The following DMXL1 variants were observed in gnomAD, a reference collection of about 807,000 sequenced individuals.
DMXL1 encodes the protein dmX-like protein 1.
Under a neutral mutation model 319.2 loss-of-function variants are expected in DMXL1, and 99 were observed. That is an observed-to-expected ratio of 0.31 (90% confidence interval 0.26 to 0.37). The LOEUF (loss-of-function observed/expected upper bound fraction) is 0.37. DMXL1 is among the 10% of genes least tolerant of loss of function. The probability of loss-of-function intolerance (pLI) is 1.00; values close to 1 mark genes in which losing one functional copy is unlikely to be tolerated. For synonymous variants in DMXL1, 1,385 were observed against 1,235.2 expected, an observed-to-expected ratio of 1.12 and a Z score of -2.54; for missense variants, 3,745 against 3,595.6, an observed-to-expected ratio of 1.04 and a Z score of -1.06.
intron 29 of DMXL1, among the ~76,000 whole-genome samples, chr5:119,192,985 C>G (rs552505131): frequency 6.6e-6 from 1 of 152,160 alleles, no homozygotes; most frequent in Non-Finnish European, 1.5e-5. Flanking sequence ...TTGGTTCTTT[C>G]TCCAAAATAT....
chr5:119,203,270 G>A (rs1190678738), intron 32 of DMXL1, 49 bp from the exon 33 acceptor site: 4 of 1,211,274 alleles, frequency 3.3e-6, no homozygotes, highest in Non-Finnish European at 4.6e-6. Flanking sequence ...TATCAAGTTA[G>A]TCAGAAATTT....
At chr5:119,118,434 T>C (rs991104110) in intron 7 of DMXL1, among the ~76,000 whole-genome samples, 1 of 152,162 alleles carries the variant, frequency 6.6e-6, no homozygotes, top group Non-Finnish European at 1.5e-5. Flanking sequence ...CAGTCTTTGT[T>C]TTTTTAGATG....
At chr5:119,235,788 G>A (rs1414004672) in intron 39 of DMXL1, among the ~76,000 whole-genome samples, 1 of 152,074 alleles carries the variant, frequency 6.6e-6, no homozygotes, top group East Asian at 1.9e-4. Context: ...ATAGATAGGA[G>A]AACAATATCC....
intron 2 of DMXL1, 111 bp from the exon 3 acceptor site, chr5:119,101,824 T>G: frequency 4.2e-6 from 3 of 715,616 alleles, no homozygotes; most frequent in Non-Finnish European, 4.7e-6. Context: ...CATCAGTGAA[T>G]GAAATTGTGT....
chr5:119,139,301 A>G (rs1466553367), intron 13 of DMXL1, among the ~76,000 whole-genome samples: 1 of 152,212 alleles, frequency 6.6e-6, no homozygotes, highest in Non-Finnish European at 1.5e-5. Flanking sequence ...GAATGTAAAC[A>G]GGCTTAATGC....
At chr5:119,120,887 A>G in intron 8 of DMXL1, 84 bp from the exon 9 acceptor site, 3 of 1,112,428 alleles carry the variant, frequency 2.7e-6, no homozygotes, top group South Asian at 4.6e-5. Context: ...GCTAGGATAT[A>G]TGTAACTTCT....
At chr5:119,111,309 A>G (rs1759540480) in intron 5 of DMXL1, among the ~76,000 whole-genome samples, 1 of 152,218 alleles carries the variant, frequency 6.6e-6, no homozygotes, top group Admixed American at 6.5e-5. Flanking sequence ...AGCACTTGAA[A>G]TGCAACTAGT....
chr5:119,132,757 C>G, intron 10 of DMXL1: 1 of 538,570 alleles, frequency 1.9e-6, no homozygotes, highest in Non-Finnish European at 3.8e-6. Context: ...CTATGAAACT[C>G]ACCACCAAAG....
intron 5 of DMXL1, among the ~76,000 whole-genome samples, chr5:119,113,437 T>C (rs569316511): frequency 6.6e-6 from 1 of 152,278 alleles, no homozygotes; most frequent in South Asian, 2.1e-4. Context: ...GAGATGGGGT[T>C]TCATCATGTT....
At chr5:119,160,292 C>T (rs182908732) in intron 19 of DMXL1, among the ~76,000 whole-genome samples, 1 of 152,220 alleles carries the variant, frequency 6.6e-6, no homozygotes, top group East Asian at 1.9e-4. Context: ...TTCTTTGACT[C>T]ATTGTTTTTT....
chr5:119,213,776 G>C (rs904336595), intron 34 of DMXL1, among the ~76,000 whole-genome samples: 1 of 152,002 alleles, frequency 6.6e-6, no homozygotes, highest in Admixed American at 6.5e-5. Context: ...GATTGTCCTA[G>C]ACACAGTCAC....
At position 119,248,059 on chromosome 5, in the gene DMXL1, A is replaced by G. The variant is rs1038088465; in HGVS notation, c.*840A>G. Reference sequence around the variant, plus strand: ...TTTAGTCAAATAAGTCTTAGCAGGCAATAAAGTTTCTGTGGTGGCATATAT... The same window carrying G: ...TTTAGTCAAATAAGTCTTAGCAGGCGATAAAGTTTCTGTGGTGGCATATAT... On this transcript the variant is annotated 3_prime_UTR_variant, in exon 44 of 44. Coordinates refer to ENST00000539542, the MANE Select transcript of DMXL1 (RefSeq NM_001290321.3). 5 of 152,140 alleles carry G rather than the reference A, an allele frequency of 3.3e-5. No homozygotes were observed. Among genetic ancestry groups the G allele is most frequent in the Non-Finnish European group, 5.9e-5 (4 of 67,976 alleles). 9.4% of individuals were successfully genotyped at this position (152,140 alleles called of 1,614,324 possible).
At position 119,077,668 on chromosome 5, in the gene DMXL1, A is replaced by G. The variant is rs541419962; in HGVS notation, c.87+6012A>G. 2.0e-3 allele frequency among the ~76,000 whole-genome samples: 232 copies of G among 117,250 alleles called. 1 individual carries two copies. The highest frequency in any genetic ancestry group is 8.3e-3 in the African/African-American group (218 of 26,374). 76.9% of individuals were successfully genotyped at this position (117,250 alleles called of 152,430 possible). A position where few individuals can be genotyped will look rare whatever the true frequency, so the allele number is the denominator to read the frequency against. On this transcript the variant is annotated intron_variant, in intron 1 of 43. Transcript: ENST00000539542. ...TTTTTTTTTGTATATGTGTGTGTGT[A>G]TATATATGTGTGTGTGTGTGTGTGT...
intron 34 of DMXL1, 115 bp downstream of exon 34, chr5:119,207,011 C>CTGT: frequency 1.7e-6 from 1 of 581,032 alleles, no homozygotes; most frequent in South Asian, 2.5e-5. Context: ...AGTATTGTTC[C>CTGT]CTCAAATTAT....
In DMXL1 at chr5:119,178,112, C is replaced by G; in HGVS notation, c.7003C>G (p.Leu2335Val). Residue 2335 changes from leucine (L) to valine (V), a missense_variant, in exon 28 of 44, where the codon CTG (leucine) becomes GTG (valine). By Grantham distance (32) the Leu-to-Val change is conservative. Around this residue, in one of 4 missense-constraint regions of DMXL1, gnomAD observed 1,382 missense variants for 1,269.5 expected, o/e 1.09. Transcript: ENST00000539542. ...GTATCTTAGTCTCTTCATCCATGGCCTGGCCACACATTCAAGTAATGAGCT... is the reference window on the plus strand; with the variant it reads ...GTATCTTAGTCTCTTCATCCATGGCGTGGCCACACATTCAAGTAATGAGCT... ...AVYLSLFIHG[L>V]ATHSSNELFR... 2 of 1,614,018 alleles carry G rather than the reference C, an allele frequency of 1.2e-6. No individual in the cohort carries two copies. The highest frequency in any genetic ancestry group is 1.7e-6 in the Non-Finnish European group (2 of 1,179,888).
intron 2 of DMXL1, among the ~76,000 whole-genome samples, chr5:119,099,953 G>A (rs62374136): frequency 0.6 from 90,636 of 152,024 alleles, 27,826 homozygotes; most frequent in East Asian, 0.97. Flanking sequence ...GTCAGCTCTG[G>A]TGGCACCACT....
intron 38 of DMXL1, among the ~76,000 whole-genome samples, chr5:119,230,949 A>T (rs573306603): frequency 6.6e-6 from 1 of 152,204 alleles, no homozygotes; most frequent in Admixed American, 6.5e-5. Context: ...ATGGGACAAG[A>T]TTACCCACCC....
At chr5:119,234,818 A>G (rs1037262437) in intron 39 of DMXL1, among the ~76,000 whole-genome samples, 2 of 152,172 alleles carry the variant, frequency 1.3e-5, no homozygotes, top group African/African-American at 2.4e-5. Flanking sequence ...CATGATTACA[A>G]TATAGGTGAG....
chr5:119,184,783 C>T (rs1777403412), intron 28 of DMXL1, among the ~76,000 whole-genome samples: 2 of 152,176 alleles, frequency 1.3e-5, no homozygotes, highest in South Asian at 4.1e-4. Context: ...TAATGTTCTT[C>T]CATGTTGTAG....
Sources: allele counts gnomAD v4.1 joint callset (sites outside exome capture counted in the v4.1 genomes callset), GRCh38; gene constraint gnomAD v4.1.1; regional missense constraint gnomAD v4.1.1; transcripts MANE v1.5; gene names NCBI Gene and HGNC (gene_info 2026-07-23, HGNC 2026-07-21).